Variants in LINGO2 observed in about 807,000 individuals in gnomAD.
LINGO2 encodes leucine rich repeat and Ig domain containing 2.
In LINGO2, 14 loss-of-function variants were observed where a neutral mutation model predicts 30.6. The observed-to-expected ratio is 0.46, with a 90% CI of 0.30 to 0.72. The LOEUF (loss-of-function observed/expected upper bound fraction) is 0.72, where lower values mean the gene tolerates loss of function less well. Among genes scored for constraint, LINGO2 ranks in the 30% least tolerant of loss-of-function variants. LINGO2 has a pLI of 0.07. For synonymous variants in LINGO2, 317 were observed against 288.5 expected (o/e 1.10, Z -1.00); for missense variants, 729 against 751.7 (o/e 0.97, Z 0.35).
chr9:29,134,160 C>T, the LINGO2 span, among the ~76,000 whole-genome samples: 1 of 151,916 alleles, frequency 6.6e-6, no homozygotes, highest in South Asian at 2.1e-4. Flanking sequence ...TTAATCTGTC[C>T]AAGTCTGTAA....
intron 5 of LINGO2, among the ~76,000 whole-genome samples, chr9:28,010,103 G>A (rs747893195): frequency 1.3e-4 from 20 of 152,118 alleles, no homozygotes; most frequent in East Asian, 5.8e-4. Flanking sequence ...ATATCATTAC[G>A]CAAAGTGAAA....
the LINGO2 span, among the ~76,000 whole-genome samples, chr9:28,924,309 C>T: frequency 1.3e-5 from 2 of 152,146 alleles, no homozygotes; most frequent in Non-Finnish European, 2.9e-5. Context: ...TTCAATCTCA[C>T]TCCCAGGTTC....
the LINGO2 span, among the ~76,000 whole-genome samples, chr9:29,024,246 T>A: frequency 1.3e-5 from 2 of 152,116 alleles, no homozygotes; most frequent in African/African-American, 2.4e-5. Flanking sequence ...GTGACATGCA[T>A]GATTCCTTAG....
At chr9:28,241,192 C>G (rs1028306614) in intron 4 of LINGO2, among the ~76,000 whole-genome samples, 2 of 144,630 alleles carry the variant, frequency 1.4e-5, no homozygotes, top group African/African-American at 5.2e-5. Flanking sequence ...TTGCTTGAAC[C>G]CGGGAGGTGG....
At chr9:28,322,379 C>T (rs1825075893) in intron 3 of LINGO2, among the ~76,000 whole-genome samples, 1 of 151,354 alleles carries the variant, frequency 6.6e-6, no homozygotes, top group South Asian at 2.1e-4. Context: ...ATAAGATTCA[C>T]TGAGAATAGT....
At chr9:28,737,292 A>G in the LINGO2 span, among the ~76,000 whole-genome samples, 1 of 152,206 alleles carries the variant, frequency 6.6e-6, no homozygotes, top group African/African-American at 2.4e-5. Flanking sequence ...TAAAGCCACA[A>G]TGAAGCTGTC....
chr9:29,164,601 A>G, the LINGO2 span, among the ~76,000 whole-genome samples: 11,284 of 151,526 alleles, frequency 0.074, 571 homozygotes, highest in Non-Finnish European at 0.11. Flanking sequence ...GGGGGTAACA[A>G]TAATAAAAAC....
intron 3 of LINGO2, among the ~76,000 whole-genome samples, chr9:28,363,874 C>T (rs937733462): frequency 3.3e-5 from 5 of 151,538 alleles, no homozygotes; most frequent in African/African-American, 2.4e-5. Context: ...AGTATGTTCT[C>T]GGCATTACCT....
chr9:29,055,940 G>GTATA, the LINGO2 span, among the ~76,000 whole-genome samples: 9 of 120,006 alleles, frequency 7.5e-5, 1 homozygote, highest in Admixed American at 1.7e-4. Flanking sequence ...ATGTGTGTGT[G>GTATA]TATATATACA....
chr9:28,184,899 A>G (rs1819488111), intron 4 of LINGO2, among the ~76,000 whole-genome samples: 1 of 152,160 alleles, frequency 6.6e-6, no homozygotes. Flanking sequence ...TCTGGAGAGC[A>G]TACTAATGAT....
chr9:28,472,272 T>C (rs1825551504), intron 2 of LINGO2, among the ~76,000 whole-genome samples: 1 of 151,946 alleles, frequency 6.6e-6, no homozygotes, highest in Admixed American at 6.6e-5. Flanking sequence ...GAGACTAAAG[T>C]TAAAAAATAA....
At chr9:27,955,596 G>A (rs187863776) in intron 5 of LINGO2, among the ~76,000 whole-genome samples, 1 of 152,144 alleles carries the variant, frequency 6.6e-6, no homozygotes, top group Non-Finnish European at 1.5e-5. Flanking sequence ...CTTTCACTCA[G>A]CATGTTTTTG....
chr9:28,843,005 G>A, the LINGO2 span, among the ~76,000 whole-genome samples: 1 of 151,792 alleles, frequency 6.6e-6, no homozygotes, highest in Non-Finnish European at 1.5e-5. Flanking sequence ...TACAATGGGT[G>A]ATTTTTTTAA....
intron 4 of LINGO2, among the ~76,000 whole-genome samples, chr9:28,188,901 C>T (rs78916665): frequency 1.3e-3 from 199 of 152,188 alleles, no homozygotes; most frequent in African/African-American, 4.6e-3. Context: ...ATTTTGTGAA[C>T]ATAATCCATC....
At chr9:28,609,633 GAGATA>G (rs1825831895) in intron 1 of LINGO2, among the ~76,000 whole-genome samples, 1 of 152,008 alleles carries the variant, frequency 6.6e-6, no homozygotes, top group Non-Finnish European at 1.5e-5. Context: ...ACTTCATTTT[GAGATA>G]AGATAATGAA....
intron 1 of LINGO2, among the ~76,000 whole-genome samples, chr9:28,601,556 T>C (rs1825476759): frequency 2.0e-5 from 1 of 49,886 alleles, no homozygotes; most frequent in South Asian, 4.8e-4. Context: ...TGTGTGGCAA[T>C]TGAGTGAGTG....
intron 3 of LINGO2, among the ~76,000 whole-genome samples, chr9:28,343,870 G>A (rs1819461226): frequency 6.6e-6 from 1 of 152,000 alleles, no homozygotes; most frequent in Non-Finnish European, 1.5e-5. Context: ...AGAATTACTT[G>A]GTAAGTTAAA....
the LINGO2 span, among the ~76,000 whole-genome samples, chr9:28,808,729 G>T: frequency 1.3e-5 from 2 of 152,108 alleles, no homozygotes; most frequent in African/African-American, 4.8e-5. Context: ...CCAATCCAAG[G>T]AGAAATGAGA....
intron 4 of LINGO2, among the ~76,000 whole-genome samples, chr9:28,158,150 C>T (rs530151752): frequency 7.0e-4 from 106 of 152,308 alleles, no homozygotes; most frequent in African/African-American, 2.5e-3. Context: ...GGAGACCTCA[C>T]AATCACGGCA....
Sources: gnomAD v4.1 joint callset for allele counts (sites outside exome capture counted in the v4.1 genomes callset) on GRCh38, gnomAD v4.1.1 for gene constraint, MANE v1.5 for transcripts, NCBI Gene and HGNC (gene_info 2026-07-23, HGNC 2026-07-21) for gene names.